Variants in SERINC4 observed in about 807,000 individuals in gnomAD.
SERINC4 encodes serine incorporator 4.
Under a neutral mutation model 52.0 loss-of-function variants are expected in SERINC4, and 52 were observed. That is an observed-to-expected ratio of 1.00 (90% CI 0.80 to 1.26). The LOEUF (loss-of-function observed/expected upper bound fraction) is 1.26, where lower values mean the gene tolerates loss of function less well. Ranked by LOEUF, SERINC4 falls within the 50% of genes most tolerant of loss-of-function variation. SERINC4 has a pLI of 0.00. For missense variants in SERINC4, 723 were observed against 632.8 expected, an observed-to-expected ratio of 1.14 and a Z score of -1.53; for synonymous variants, 264 against 247.7, an observed-to-expected ratio of 1.07 and a Z score of -0.62.
intron 8 of SERINC4, 105 bp from the exon 9 acceptor site, chr15:43,796,332 C>T (rs972758533): frequency 2.3e-6 from 2 of 857,122 alleles, no homozygotes; most frequent in Non-Finnish European, 1.9e-6. Flanking sequence ...GGGTACCATA[C>T]TCCCTGTGCC....
intron 5 of SERINC4, 97 bp downstream of exon 5, chr15:43,797,823 G>C: frequency 1.2e-6 from 1 of 808,318 alleles, no homozygotes; most frequent in Non-Finnish European, 2.1e-6. Flanking sequence ...GGGAAGCTGT[G>C]GGACCAGTGC....
At position 43,800,145 on chromosome 15, in the gene SERINC4, T is replaced by G. The variant is rs2087290568; in HGVS notation, c.-159A>C. ...CGGAAGAGAACACTGACCTCCAGGT[T>G]GCGGTAAATGCAAATGCCCTGTGAA... On this transcript the variant is annotated 5_prime_UTR_variant, in exon 1 of 12. Transcript: ENST00000319327. 1.7e-6 allele frequency: 1 copy of G among 605,016 alleles called. No individual in the cohort carries two copies. The highest frequency in any genetic ancestry group is 2.9e-6 in the Non-Finnish European group (1 of 347,214). 37.5% of individuals were successfully genotyped at this position (605,016 alleles called of 1,614,324 possible).
At position 43,795,372 on chromosome 15, in the gene SERINC4, GC is replaced by G; in HGVS notation, c.1343+15del. ...CTAGCTCTTCAGGAGAGTATCTAAGGCCCACTCCATCTTACCTGAACCAGTT... is the reference window on the plus strand; with the variant it reads ...CTAGCTCTTCAGGAGAGTATCTAAGGCCACTCCATCTTACCTGAACCAGTT... On this transcript the variant is annotated intron_variant, in intron 11 of 11. Coordinates refer to ENST00000319327, the MANE Select transcript of SERINC4 (RefSeq NM_001258031.2). 1 of 1,613,764 alleles carries G rather than the reference GC, an allele frequency of 6.2e-7. No individual in the cohort carries two copies. The highest frequency in any genetic ancestry group is 8.5e-7 in the Non-Finnish European group (1 of 1,179,668).
At chr15:43,796,483 CT>C (rs1469940539) in intron 8 of SERINC4, 132 bp downstream of exon 8, 1 of 997,474 alleles carries the variant, frequency 1.0e-6, no homozygotes, top group Non-Finnish European at 1.5e-6. Context: ...GAATTTGTCC[CT>C]GTTTGTGGGG....
chr15:43,795,440 C>CA lies in SERINC4; in HGVS notation c.1290_1291insT (p.Val431CysfsTer20), dbSNP rs1162962866. ...ACATAGAGTGAGGCAAGGAAGAAGA[C>CA]GAAGTGGAAGGCAGAATAGTTGTAG... On this transcript the variant is annotated frameshift_variant, in exon 11 of 12. Transcript: ENST00000319327. LOFTEE classifies it high-confidence loss of function. 1 of 1,614,062 alleles carries CA rather than the reference C, an allele frequency of 6.2e-7. No homozygotes were observed. The highest frequency in any genetic ancestry group is 8.5e-7 in the Non-Finnish European group (1 of 1,180,026).
chr15:43,797,016 C>G (rs2087230272), intron 6 of SERINC4, 76 bp from the exon 7 acceptor site: 2 of 1,456,970 alleles, frequency 1.4e-6, no homozygotes, highest in South Asian at 2.3e-5. Flanking sequence ...GTACTTCTGT[C>G]TCCCCATCCT....
At position 43,796,942 on chromosome 15, in the gene SERINC4, T is replaced by C. The variant is rs1482430986; in HGVS notation, c.845-2A>G. On this transcript the variant is annotated splice_acceptor_variant, in intron 6 of 11. Coordinates refer to ENST00000319327, the MANE Select transcript of SERINC4 (RefSeq NM_001258031.2). LOFTEE classifies it high-confidence loss of function. Reference sequence around the variant, plus strand: ...GTAGGAGGCCAGAGCGGGGTTGCTCTGGGGAGTAAGTATAATTGCTTTAGT... The same window carrying C: ...GTAGGAGGCCAGAGCGGGGTTGCTCCGGGGAGTAAGTATAATTGCTTTAGT... The C allele has an allele frequency of 2.5e-6, 4 of 1,612,532 alleles. No individual in the cohort carries two copies. The Admixed American group carries it at 6.7e-5, about 27-fold the overall frequency.
intron 8 of SERINC4, 147 bp from the exon 9 acceptor site, chr15:43,796,374 T>A (rs2087216426): frequency 1.1e-5 from 8 of 739,410 alleles, no homozygotes; most frequent in South Asian, 1.8e-5. Context: ...ATTCTATTCA[T>A]GTGAGAGCCC....
intron 5 of SERINC4, 105 bp downstream of exon 5, chr15:43,797,815 G>C (rs747819336): frequency 9.6e-5 from 73 of 760,980 alleles, no homozygotes; most frequent in Admixed American, 2.8e-4. Flanking sequence ...TGCTCAGTGG[G>C]AAGCTGTGGG....
intron 1 of SERINC4, 189 bp from the exon 2 acceptor site, chr15:43,799,675 A>G (rs1231343815): frequency 4.8e-6 from 4 of 835,250 alleles, no homozygotes; most frequent in East Asian, 2.6e-5. Context: ...ACAACTTAGT[A>G]GGGCTTTCAT....
chr15:43,797,549 T>C (rs754993972), intron 5 of SERINC4, 193 bp from the exon 6 acceptor site: 1 of 572,100 alleles, frequency 1.7e-6, no homozygotes, highest in Non-Finnish European at 3.1e-6. Context: ...CCTACCACCA[T>C]GTCCAGCTAA....
Position 43,795,008 on chromosome 15 carries a change from G to A in SERINC4, c.1549C>T (p.Pro517Ser). The stretch of plus-strand genomic sequence containing the variant: ...CAGTTTGTGAAAAGGACTTAGACTG[G>A]AGGATATTTGTTATCTGGGGATATG... ...RIISPDNKYP[P>S]V is the part of the protein sequence containing the mutation. Residue 517 changes from proline to serine, a missense_variant, in exon 12 of 12, where the codon CCA becomes TCA. By Grantham distance (74) the Pro-to-Ser change is moderately conservative. Transcript: ENST00000319327. 5 of 1,610,422 alleles carry A rather than the reference G, an allele frequency of 3.1e-6. No individual in the cohort carries two copies. The highest frequency in any genetic ancestry group is 3.4e-6 in the Non-Finnish European group (4 of 1,179,132).
In SERINC4 at chr15:43,794,820, G is replaced by T; in HGVS notation, c.*180C>A. 1 of 582,230 alleles carries T rather than the reference G, an allele frequency of 1.7e-6. No individual in the cohort carries two copies. The highest frequency in any genetic ancestry group is 3.0e-5 in the Admixed American group (1 of 33,488). The allele number at this position is 582,230 out of a possible 1,614,324, so 36.1% of individuals were successfully genotyped here. On this transcript the variant is annotated 3_prime_UTR_variant, in exon 12 of 12. Transcript: ENST00000319327. Reference sequence around the variant, plus strand: ...ATGTAACAGTAGCTCCAGTGAGTCAGACACTCTGCCCAGCACATTAGACTG... The same window carrying T: ...ATGTAACAGTAGCTCCAGTGAGTCATACACTCTGCCCAGCACATTAGACTG...
rs1479528405 is a variant in SERINC4, at chr15:43,799,321, T to A, written c.268A>T (p.Lys90Ter). Residue 90 changes from lysine to a stop codon, truncating the protein, a stop_gained, in exon 2 of 12, where the codon AAG becomes TAG. Transcript: ENST00000319327. LOFTEE classifies it high-confidence loss of function. ...CCCCTCTCACTTACCCTGTGTGTCTTGCCCCACACCCTTTCCACTACTGTC... is the reference window on the plus strand; with the variant it reads ...CCCCTCTCACTTACCCTGTGTGTCTAGCCCCACACCCTTTCCACTACTGTC... ...SRTVVERVWG[K>*]THRIQMPSGL... The A allele has an allele frequency of 1.3e-6, 2 of 1,550,884 alleles. No individual in the cohort carries two copies. Among genetic ancestry groups the A allele is most frequent in the Non-Finnish European group, 1.7e-6 (2 of 1,146,886 alleles).
In SERINC4 at chr15:43,794,884, G is replaced by C; in HGVS notation, c.*116C>G. On this transcript the variant is annotated 3_prime_UTR_variant, in exon 12 of 12. Transcript: ENST00000319327. ...CTTCCAGTTCATAGTATTGACTTCA[G>C]CCCAAACGGAGATAACTCCCTGTGT... The C allele has an allele frequency of 1.3e-6, 1 of 793,412 alleles. No individual in the cohort carries two copies. The allele number at this position is 793,412 out of a possible 1,614,324, so 49.1% of individuals were successfully genotyped here.
chr15:43,795,129 G>T lies in SERINC4; in HGVS notation c.1428C>A (p.Cys476Ter). 1 of 1,614,062 alleles carries T rather than the reference G, an allele frequency of 6.2e-7. No individual in the cohort carries two copies. Among genetic ancestry groups the T allele is most frequent in the African/African-American group, 1.3e-5 (1 of 75,008 alleles). The change falls in exon 12 of 12, where the codon TGC (cysteine) becomes TGA (stop). Residue 476 changes from cysteine (C) to a stop codon, truncating the protein, a stop_gained. Transcript: ENST00000319327. LOFTEE classifies it low-confidence loss of function (END_TRUNC). ...GTAACAGCCCCAGATAGAGGAGTAC[G>T]CAGGCCCAGCATGAGGCAACCTTGA... is the stretch of plus-strand genomic sequence containing the variant. The part of the protein sequence containing the change: ...FWVKVASCWA[C>*]VLLYLGLLLA...
Position 43,795,688 on chromosome 15 carries a change from C to T in SERINC4, c.1189G>A (p.Gly397Arg), listed in dbSNP as rs2087197774. The change falls in exon 10 of 12, where the codon GGG (glycine) becomes AGG (arginine). Residue 397 changes from glycine (G) to arginine (R), a missense_variant and splice_region_variant. By Grantham distance (125) the Gly-to-Arg change is moderately radical. Coordinates refer to ENST00000319327, the MANE Select transcript of SERINC4 (RefSeq NM_001258031.2). ...CCPETVEADKGQRGGAARPAD... is the reference protein window; with the variant it reads ...CCPETVEADKRQRGGAARPAD... ...TTATGGTTCCTCACTTGGCACTCAC[C>T]TTTGTCTGCCTCCACTGTTTCAGGG... 2 of 1,613,868 alleles carry T rather than the reference C, an allele frequency of 1.2e-6. No homozygotes were observed. Among genetic ancestry groups the T allele is most frequent in the Admixed American group, 1.7e-5 (1 of 59,978 alleles).
At position 43,795,416 on chromosome 15, in the gene SERINC4, CAT is replaced by C. The variant is rs1567170476; in HGVS notation, c.1313_1314del (p.Tyr438CysfsTer12). ...FHFVFFLASLYVMVTLTNWFS... is the reference protein window; with the variant it reads ...FHFVFFLASLXVMVTLTNWFS... The stretch of plus-strand genomic sequence containing the variant: ...AACCAGTTGGTAAGGGTAACCATGA[CAT>C]AGAGTGAGGCAAGGAAGAAGACGAA... On this transcript the variant is annotated frameshift_variant, in exon 11 of 12. Transcript: ENST00000319327. LOFTEE classifies it high-confidence loss of function. The C allele has an allele frequency of 6.2e-7, 1 of 1,614,158 alleles. No individual in the cohort carries two copies. Among genetic ancestry groups the C allele is most frequent in the Non-Finnish European group, 8.5e-7 (1 of 1,180,036 alleles).
rs1316764864 is a variant in SERINC4, at chr15:43,796,892, A to G, written c.893T>C (p.Ile298Thr). The stretch of plus-strand genomic sequence containing the variant: ...CAGTGCAGAGAAAGTCAGATACATG[A>G]TATAGCAGCTGATGACAGAAGCTTG... ...LLQASVISCY[I>T]MYLTFSALSS... is the part of the protein sequence containing the mutation. The change falls in exon 7 of 12, where the codon ATC becomes ACC. Residue 298 changes from isoleucine to threonine, a missense_variant. Ile to Thr is a moderately conservative substitution (Grantham distance 89). Coordinates refer to ENST00000319327, the MANE Select transcript of SERINC4 (RefSeq NM_001258031.2). The G allele has an allele frequency of 1.2e-6, 2 of 1,614,096 alleles. No individual in the cohort carries two copies. Among genetic ancestry groups the G allele is most frequent in the Non-Finnish European group, 1.7e-6 (2 of 1,180,004 alleles).
Sources: gnomAD v4.1 joint callset for allele counts on GRCh38, gnomAD v4.1.1 for gene constraint, MANE v1.5 for transcripts, NCBI Gene and HGNC (gene_info 2026-07-23, HGNC 2026-07-21) for gene names.